The following PLPPR1 variants were observed in gnomAD, a reference collection of about 807,000 sequenced individuals.
PLPPR1 encodes the protein phospholipid phosphatase-related protein type 1.
PLPPR1 carries 10 observed loss-of-function variants against 33.1 expected under a neutral mutation model. The observed-to-expected ratio is 0.30, with a 90% CI of 0.19 to 0.51. PLPPR1 has a LOEUF of 0.51. Ranked by LOEUF, PLPPR1 falls within the 20% of genes least tolerant of loss-of-function variation. The pLI is 0.97. For synonymous variants in PLPPR1, 151 were observed against 151.0 expected, an observed-to-expected ratio of 1.00 and a Z score of 0.00; for missense variants, 304 against 408.1, an observed-to-expected ratio of 0.74 and a Z score of 2.20.
intron 1 of PLPPR1, among the ~76,000 whole-genome samples, chr9:101,041,002 T>C (rs1436390037): frequency 1.3e-5 from 2 of 152,082 alleles, no homozygotes; most frequent in Non-Finnish European, 2.9e-5. Context: ...CAAGAGAACA[T>C]CTAAAATGTG....
In PLPPR1 at chr9:101,284,402, A is replaced by G. The variant is rs752577000; in HGVS notation, c.253-1702A>G. Among the ~76,000 whole-genome samples the G allele has an allele frequency of 1.2e-3, 176 of 152,208 alleles. 3 individuals carry two copies. The highest frequency in any genetic ancestry group is 1.2e-3 in the Non-Finnish European group (80 of 68,020). ...ACTTCTAATTGTAGATGTGGAATCT[A>G]CAGAAGTTGATCTCACAAGAGGAAT... On this transcript the variant is annotated intron_variant, in intron 3 of 7. Coordinates refer to ENST00000374874, the MANE Select transcript of PLPPR1 (RefSeq NM_207299.2).
intron 2 of PLPPR1, among the ~76,000 whole-genome samples, chr9:101,262,640 A>C (rs946356678): frequency 6.6e-6 from 1 of 152,196 alleles, no homozygotes; most frequent in South Asian, 2.1e-4. Context: ...TTGAGCCAGC[A>C]ATCCCATTAC....
At chr9:101,175,210 C>T (rs986873636) in intron 1 of PLPPR1, among the ~76,000 whole-genome samples, 5 of 152,150 alleles carry the variant, frequency 3.3e-5, no homozygotes, top group Non-Finnish European at 7.4e-5. Context: ...TCTCCTCTAA[C>T]AAACCTTTAC....
chr9:101,086,091 G>T (rs1284257686), intron 1 of PLPPR1, among the ~76,000 whole-genome samples: 1 of 152,116 alleles, frequency 6.6e-6, no homozygotes, highest in Admixed American at 6.6e-5. Flanking sequence ...AGTCGATCAT[G>T]TGCTTTTTGT....
intron 1 of PLPPR1, among the ~76,000 whole-genome samples, chr9:101,037,214 TA>T (rs1444682849): frequency 6.6e-6 from 1 of 152,034 alleles, no homozygotes; most frequent in Non-Finnish European, 1.5e-5. Flanking sequence ...TGCATACACA[TA>T]AGAAATAAAT....
chr9:101,227,767 A>G (rs549183744), intron 2 of PLPPR1, among the ~76,000 whole-genome samples: 1 of 152,158 alleles, frequency 6.6e-6, no homozygotes, highest in South Asian at 2.1e-4. Flanking sequence ...CTAGTTTTTC[A>G]ATTTTGTTCC....
At chr9:101,266,753 A>C (rs1828005950) in intron 2 of PLPPR1, among the ~76,000 whole-genome samples, 1 of 152,136 alleles carries the variant, frequency 6.6e-6, no homozygotes, top group Non-Finnish European at 1.5e-5. Context: ...CATTTATTTC[A>C]GTGTATTTGG....
chr9:101,075,150 G>T (rs2254273), intron 1 of PLPPR1, among the ~76,000 whole-genome samples: 86,002 of 151,926 alleles, frequency 0.57, 24,401 homozygotes, highest in Non-Finnish European at 0.6. Context: ...TTTTTGTTTG[G>T]GTTGAAAACT....
intron 2 of PLPPR1, among the ~76,000 whole-genome samples, chr9:101,190,747 C>T (rs1826283348): frequency 6.6e-6 from 1 of 152,062 alleles, no homozygotes. Flanking sequence ...TCAGGAGCAG[C>T]ATTGCCCCTG....
intron 2 of PLPPR1, among the ~76,000 whole-genome samples, chr9:101,233,335 G>A (rs935914717): frequency 6.6e-6 from 1 of 151,988 alleles, no homozygotes; most frequent in Middle Eastern, 3.4e-3. Context: ...TGGGGAAAAT[G>A]GAATAATGTT....
At chr9:101,113,353 C>T (rs1448515578) in intron 1 of PLPPR1, among the ~76,000 whole-genome samples, 1 of 151,832 alleles carries the variant, frequency 6.6e-6, no homozygotes, top group Non-Finnish European at 1.5e-5. Context: ...TGCCTTTATA[C>T]TATGTAAATA....
intron 1 of PLPPR1, among the ~76,000 whole-genome samples, chr9:101,140,677 T>C (rs372951996): frequency 6.2e-4 from 94 of 152,210 alleles, no homozygotes; most frequent in African/African-American, 2.1e-3. Flanking sequence ...TACCCTTAGA[T>C]AGTGTGGAGC....
At chr9:101,265,531 A>T (rs1468701600) in intron 2 of PLPPR1, among the ~76,000 whole-genome samples, 1 of 152,184 alleles carries the variant, frequency 6.6e-6, no homozygotes, top group Admixed American at 6.5e-5. Flanking sequence ...CAGTGACATA[A>T]ACATAGACAG....
chr9:101,292,602 A>C (rs1588113964), intron 4 of PLPPR1, among the ~76,000 whole-genome samples: 1 of 124,828 alleles, frequency 8.0e-6, no homozygotes, highest in Non-Finnish European at 1.6e-5. Flanking sequence ...CTTGGCAGAA[A>C]CTCTGCAAGC....
At chr9:101,041,679 C>A (rs1310343530) in intron 1 of PLPPR1, among the ~76,000 whole-genome samples, 1 of 151,990 alleles carries the variant, frequency 6.6e-6, no homozygotes, top group African/African-American at 2.4e-5. Context: ...GACTTTGGGG[C>A]CATAAAGAAG....
intron 4 of PLPPR1, among the ~76,000 whole-genome samples, chr9:101,287,793 G>C (rs1828420926): frequency 6.6e-6 from 1 of 152,118 alleles, no homozygotes; most frequent in African/African-American, 2.4e-5. Flanking sequence ...GAGCCACTGT[G>C]CCCGGCCCCT....
At chr9:101,106,257 A>AT (rs1830968259) in intron 1 of PLPPR1, among the ~76,000 whole-genome samples, 1 of 139,666 alleles carries the variant, frequency 7.2e-6, no homozygotes, top group African/African-American at 2.8e-5. Context: ...TGGTCTTTAC[A>AT]TTTTGGCATG....
chr9:101,233,298 G>A (rs939161873), intron 2 of PLPPR1, among the ~76,000 whole-genome samples: 4 of 151,896 alleles, frequency 2.6e-5, no homozygotes, highest in Non-Finnish European at 4.4e-5. Flanking sequence ...TTCTGAAAGT[G>A]TAATGATTAA....
intron 4 of PLPPR1, among the ~76,000 whole-genome samples, chr9:101,286,884 A>G (rs1828403890): frequency 6.6e-6 from 1 of 152,220 alleles, no homozygotes; most frequent in South Asian, 2.1e-4. Context: ...TAAGTACTCT[A>G]TAAATGATAA....
Sources: allele counts gnomAD v4.1 joint callset (sites outside exome capture counted in the v4.1 genomes callset), GRCh38; gene constraint gnomAD v4.1.1; transcripts MANE v1.5; gene names NCBI Gene and HGNC (gene_info 2026-07-23, HGNC 2026-07-21).